Variants in SRCIN1 observed in about 807,000 individuals in gnomAD.
SRCIN1 encodes SRC kinase signaling inhibitor 1.
SRCIN1 carries 50 observed loss-of-function variants against 116.2 expected under a neutral mutation model. That is an observed-to-expected ratio of 0.43 (90% CI 0.34 to 0.54). The LOEUF (loss-of-function observed/expected upper bound fraction) is 0.54, where lower values mean the gene tolerates loss of function less well. Among genes scored for constraint, SRCIN1 ranks in the 20% least tolerant of loss-of-function variants. The probability of loss-of-function intolerance (pLI) is 0.02; values close to 1 mark genes in which losing one functional copy is unlikely to be tolerated. For synonymous variants in SRCIN1, 736 were observed against 750.0 expected (o/e 0.98, Z 0.30); for missense variants, 1,446 against 1,672.0 (o/e 0.86, Z 2.36).
In SRCIN1 at chr17:38,543,901, C is replaced by T. The variant is rs529714457; in HGVS notation, c.3339G>A (p.Gln1113=). Residue 1113 remains glutamine, a synonymous_variant, in exon 18 of 19, where the codon CAG becomes CAA. Coordinates refer to ENST00000617146, the MANE Select transcript of SRCIN1 (RefSeq NM_025248.3). ...TPGASRLKAA[Q]GQAGSPDKSK... ...TTTTGTCGGGGCTGCCCGCCTGGCCCTGGGCCGCCTTCAGCCGAGAGGCCC... is the reference window on the plus strand; with the variant it reads ...TTTTGTCGGGGCTGCCCGCCTGGCCTTGGGCCGCCTTCAGCCGAGAGGCCC... 27 of 1,606,046 alleles carry T rather than the reference C, an allele frequency of 1.7e-5. 1 individual carries two copies. The South Asian group carries it at 2.6e-4, about 16-fold the overall frequency.
In SRCIN1 at chr17:38,551,240, G is replaced by C. The variant is rs748429514; in HGVS notation, c.2877C>G (p.Ala959=). Reference sequence around the variant, plus strand: ...TGGGGGGCTTGTGATCTGGAGTGGGGGCCGGGCCTGGATGGGCCTTGCTGG... The same window carrying C: ...TGGGGGGCTTGTGATCTGGAGTGGGCGCCGGGCCTGGATGGGCCTTGCTGG... ...DCASKAHPGP[A]PTPDHKPPKA... Residue 959 remains alanine (A), a synonymous_variant, in exon 15 of 19, where the codon GCC becomes GCG. Transcript: ENST00000617146. The C allele has an allele frequency of 5.0e-6, 8 of 1,611,132 alleles. No homozygotes were observed. In the African/African-American group the frequency reaches 1.1e-4, roughly 22 times the overall value.
rs951200586 is a variant in SRCIN1, at chr17:38,552,977, G to A, written c.2202-122C>T. 1.4e-6 allele frequency: 2 copies of A among 1,455,776 alleles called. No individual in the cohort carries two copies. The highest frequency in any genetic ancestry group is 1.8e-6 in the Non-Finnish European group (2 of 1,087,030). The allele number at this position is 1,455,776 out of a possible 1,614,324, so 90.2% of individuals were successfully genotyped here. On this transcript the variant is annotated intron_variant, in intron 11 of 18. Transcript: ENST00000617146. The surrounding 1 kb of genome is among the most constrained non-coding windows in gnomAD (Gnocchi z 5.3). ...GGATCGAAAGTAAAAGCAGGAGGCT[G>A]GGCACCGTGGCTCACGCCCGTAATC...
rs1482230816 is a variant in SRCIN1, at chr17:38,559,617, G to C, written c.1993C>G (p.Arg665Gly). ...TTGCGCAACTGCTGGAGCTGGCCGC[G>C]CAAGTCACTGGCGCTGTTCTGCAGG... The part of the protein sequence containing the change: ...RGLQNSASDL[R>G]GQLQQLRKLQ... The change falls in exon 10 of 19, where the codon CGC becomes GGC. Residue 665 changes from arginine (R) to glycine (G), a missense_variant. This residue lies in a region of SRCIN1 where 398 missense variants were observed against 385.6 expected (regional missense o/e 1.03). Coordinates refer to ENST00000617146, the MANE Select transcript of SRCIN1 (RefSeq NM_025248.3). The C allele has an allele frequency of 2.5e-6, 4 of 1,602,570 alleles. No homozygotes were observed. Among genetic ancestry groups the C allele is most frequent in the Non-Finnish European group, 3.4e-6 (4 of 1,179,436 alleles).
intron 15 of SRCIN1, 130 bp downstream of exon 15, chr17:38,551,025 C>A (rs1006359215): frequency 5.3e-6 from 3 of 563,500 alleles, no homozygotes; most frequent in Non-Finnish European, 9.5e-6. Context: ...GCCGATGTCC[C>A]AGGGCCTCCC....
intron 1 of SRCIN1, among the ~76,000 whole-genome samples, chr17:38,593,899 A>C (rs1908575307): frequency 6.6e-6 from 1 of 152,194 alleles, no homozygotes; most frequent in African/African-American, 2.4e-5. Context: ...ATACTCCTTC[A>C]TAGCACTTTT....
intron 11 of SRCIN1, among the ~76,000 whole-genome samples, chr17:38,557,932 G>T (rs1468986797): frequency 6.6e-6 from 1 of 152,202 alleles, no homozygotes; most frequent in Admixed American, 6.5e-5. Flanking sequence ...CAGGCAGCTG[G>T]CCACATGACA....
intron 1 of SRCIN1, among the ~76,000 whole-genome samples, chr17:38,598,741 A>G (rs188473718): frequency 5.6e-4 from 86 of 152,338 alleles, no homozygotes; most frequent in South Asian, 4.4e-3. Context: ...AGCCAGGATA[A>G]GGCTGTGGGG....
chr17:38,589,872 G>T (rs547814149), intron 1 of SRCIN1, among the ~76,000 whole-genome samples: 1 of 152,300 alleles, frequency 6.6e-6, no homozygotes, highest in East Asian at 1.9e-4. Context: ...TTAGTATCCC[G>T]AGAGACTCTG....
chr17:38,606,677 C>T (rs191063433), upstream of SRCIN1, among the ~76,000 whole-genome samples: 1 of 152,322 alleles, frequency 6.6e-6, no homozygotes, highest in Admixed American at 6.5e-5. This position sits in a 1 kb window ranked among gnomAD's most constrained non-coding sequence, Gnocchi z 5.2. Context: ...GCGTCACTGC[C>T]GCCTCTACTT....
rs374662511 is a variant in SRCIN1, at chr17:38,551,401, G to A, written c.2728-12C>T. Reference sequence around the variant, plus strand: ...TCTCGCTCTGCAGCCTTAACAGGGAGCCAGGAGTCAGGATTGAGGTAGCTC... The same window carrying A: ...TCTCGCTCTGCAGCCTTAACAGGGAACCAGGAGTCAGGATTGAGGTAGCTC... On this transcript the variant is annotated splice_polypyrimidine_tract_variant and intron_variant, in intron 14 of 18. Coordinates refer to ENST00000617146, the MANE Select transcript of SRCIN1 (RefSeq NM_025248.3). The A allele has an allele frequency of 3.1e-5, 49 of 1,592,218 alleles. 2 individuals carry two copies. Among genetic ancestry groups the A allele is most frequent in the South Asian group, 2.0e-4 (18 of 88,278 alleles).
rs1180262951 is a variant in SRCIN1, at chr17:38,549,161, G to A, written c.3012C>T (p.Pro1004=). The A allele has an allele frequency of 6.3e-7, 1 of 1,586,746 alleles. No homozygotes were observed. Among genetic ancestry groups the A allele is most frequent in the Non-Finnish European group, 8.6e-7 (1 of 1,168,506 alleles). ...AGCTCCGGCGGGGAGGGGGCGGTGG[G>A]GGCGACTTGGAGGGCTTCTCTGTGC... is the stretch of plus-strand genomic sequence containing the variant. ...RYRTEKPSKS[P]PPPPPRRSFP... Residue 1004 remains proline, a synonymous_variant, in exon 16 of 19, where the codon CCC becomes CCT. Transcript: ENST00000617146.
At chr17:38,586,549 G>C (rs1167188605) in intron 1 of SRCIN1, among the ~76,000 whole-genome samples, 1 of 124,786 alleles carries the variant, frequency 8.0e-6, no homozygotes, top group African/African-American at 2.5e-5. Context: ...CCCCAGGGGT[G>C]GGGGTAAGAA....
rs1228427568 is a variant in SRCIN1 at position 38,543,981 on chromosome 17, G to A, written c.3271-12C>T. ...CTGCCTCCGCCACTCTGCAGGAAGA[G>A]GAACAGGGTTGCAGTTGCAGAGTCC... On this transcript the variant is annotated splice_polypyrimidine_tract_variant and intron_variant, in intron 17 of 18. Transcript: ENST00000617146. 2 of 1,573,700 alleles carry A rather than the reference G, an allele frequency of 1.3e-6. No individual in the cohort carries two copies. The highest frequency in any genetic ancestry group is 1.8e-5 in the Admixed American group (1 of 55,394).
chr17:38,580,163 G>A (rs1479445467), intron 1 of SRCIN1, among the ~76,000 whole-genome samples: 2 of 150,980 alleles, frequency 1.3e-5, no homozygotes, highest in African/African-American at 2.4e-5. Context: ...GCCTCCTCCC[G>A]CCAAGCATCC....
At chr17:38,589,487 C>T (rs1476452790) in intron 1 of SRCIN1, among the ~76,000 whole-genome samples, 1 of 152,182 alleles carries the variant, frequency 6.6e-6, no homozygotes, top group Non-Finnish European at 1.5e-5. Context: ...TTCCACTTTG[C>T]CAGGTTCGGG....
At chr17:38,605,648 G>A (rs1210316982) in intron 1 of SRCIN1, 36 bp downstream of exon 1, 1 of 1,400,302 alleles carries the variant, frequency 7.1e-7, no homozygotes, top group Admixed American at 3.1e-5. Flanking sequence ...ACTTAAGCAT[G>A]GAGGCACATT....
chr17:38,536,440 C>T (rs1474232539), intron 18 of SRCIN1, among the ~76,000 whole-genome samples: 1 of 152,262 alleles, frequency 6.6e-6, no homozygotes, highest in African/African-American at 2.4e-5. Context: ...GTCCAGCTTT[C>T]AGCTGGGGGA....
intron 2 of SRCIN1, among the ~76,000 whole-genome samples, chr17:38,569,032 C>G (rs1428601666): frequency 1.3e-5 from 2 of 152,074 alleles, no homozygotes; most frequent in Middle Eastern, 3.2e-3. Flanking sequence ...GTGCCAGGAA[C>G]CTCACTCACT....
chr17:38,539,323 C>T lies in SRCIN1; in HGVS notation c.3417+4500G>A, dbSNP rs567105390. Among the ~76,000 whole-genome samples, 3 of 152,266 alleles carry T rather than the reference C, an allele frequency of 2.0e-5. No homozygotes were observed. In the South Asian group the frequency reaches 6.2e-4, roughly 32 times the overall value. On this transcript the variant is annotated intron_variant, in intron 18 of 18. Transcript: ENST00000617146. ...CAGGCTGGTCTCGAACTCCTGGCCT[C>T]GAGTGATCCTCCTGTCTTAGCCTCC...
Sources: gnomAD v4.1 joint callset for allele counts (sites outside exome capture counted in the v4.1 genomes callset) on GRCh38, gnomAD v4.1.1 for gene constraint, gnomAD v4.1.1 regional missense constraint, Gnocchi (gnomAD v3.1) non-coding constraint, MANE v1.5 for transcripts, NCBI Gene and HGNC (gene_info 2026-07-23, HGNC 2026-07-21) for gene names.